Variants in PRSS23 observed in about 807,000 individuals in gnomAD.
PRSS23 encodes the protein protease, serine 23.
A neutral mutation model predicts 34.7 loss-of-function variants in PRSS23; 25 were observed. That is an observed-to-expected ratio of 0.72 (90% CI 0.53 to 1.01). The LOEUF (loss-of-function observed/expected upper bound fraction) is 1.01. Ranked by LOEUF, PRSS23 falls within the 50% of genes least tolerant of loss-of-function variation. The pLI, the probability that PRSS23 is intolerant of heterozygous loss-of-function variation, is 0.00. For missense variants in PRSS23, 445 were observed against 475.6 expected, an observed-to-expected ratio of 0.94 and a Z score of 0.60; for synonymous variants, 176 against 186.6, an observed-to-expected ratio of 0.94 and a Z score of 0.46.
chr11:86,907,191 A>G (rs1412694206), intron 2 of PRSS23, among the ~76,000 whole-genome samples: 2 of 152,126 alleles, frequency 1.3e-5, no homozygotes, highest in South Asian at 2.1e-4. Flanking sequence ...ATATTTTTGT[A>G]TTGTATCTAC....
chr11:86,947,230 CAAA>C, intron 2 of PRSS23: 1 of 157,744 alleles, frequency 6.3e-6, no homozygotes, highest in South Asian at 1.4e-4. Flanking sequence ...AACAAACAAA[CAAA>C]CAACAAAAAA....
At position 86,807,909 on chromosome 11, in the gene PRSS23, C is replaced by A; in HGVS notation, c.266C>A (p.Thr89Lys). 1 of 1,614,150 alleles carries A rather than the reference C, an allele frequency of 6.2e-7. No individual in the cohort carries two copies. Among genetic ancestry groups the A allele is most frequent in the Non-Finnish European group, 8.5e-7 (1 of 1,180,024 alleles). ...EEAKQYLSYETLYANGSRTET... is the reference protein window; with the variant it reads ...EEAKQYLSYEKLYANGSRTET... The stretch of plus-strand genomic sequence containing the variant: ...GCCAAGCAATATCTGTCTTATGAAA[C>A]GCTCTATGCCAATGGCAGCCGCACA... The change falls in exon 2 of 2, where the codon ACG (threonine) becomes AAG (lysine). Residue 89 changes from threonine (T) to lysine (K), a missense_variant. Coordinates refer to ENST00000280258, the MANE Select transcript of PRSS23 (RefSeq NM_007173.6).
At chr11:86,939,038 C>T (rs1002349770) in intron 2 of PRSS23, 1 of 450,370 alleles carries the variant, frequency 2.2e-6, no homozygotes, top group South Asian at 1.6e-5. Flanking sequence ...ATTTTTCATC[C>T]ATTCTTAAAA....
intron 2 of PRSS23, among the ~76,000 whole-genome samples, chr11:86,919,676 C>T (rs1054264768): frequency 6.6e-6 from 1 of 152,210 alleles, no homozygotes; most frequent in Non-Finnish European, 1.5e-5. Flanking sequence ...GTTACCTCCC[C>T]GGGCCTCCGT....
upstream of PRSS23, among the ~76,000 whole-genome samples, chr11:86,799,700 C>T (rs1590865531): frequency 6.6e-6 from 1 of 151,878 alleles, no homozygotes; most frequent in East Asian, 1.9e-4. Flanking sequence ...CCTACCCTGG[C>T]CCCCAACCAC....
chr11:86,861,074 C>T (rs1202328399), intron 2 of PRSS23, among the ~76,000 whole-genome samples: 3 of 151,636 alleles, frequency 2.0e-5, no homozygotes, highest in Non-Finnish European at 4.4e-5. Flanking sequence ...TAATGTTTAA[C>T]GGGAAAGATA....
chr11:86,811,482 G>A (rs1455161133), downstream of PRSS23, among the ~76,000 whole-genome samples: 1 of 152,174 alleles, frequency 6.6e-6, no homozygotes, highest in Non-Finnish European at 1.5e-5. Flanking sequence ...GTTTGTGGCA[G>A]AACTGGGGAC....
chr11:86,849,930 G>A (rs1948516403), intron 2 of PRSS23, among the ~76,000 whole-genome samples: 1 of 151,092 alleles, frequency 6.6e-6, no homozygotes, highest in African/African-American at 2.5e-5. Context: ...GCTGAAAGAG[G>A]AGGAACCTAC....
intron 2 of PRSS23, among the ~76,000 whole-genome samples, chr11:86,858,670 A>G (rs1390005716): frequency 1.3e-5 from 2 of 151,528 alleles, no homozygotes; most frequent in African/African-American, 2.4e-5. Flanking sequence ...GGTGTTCCTA[A>G]TATCCAGTGG....
chr11:86,875,018 T>C (rs1264087320), intron 2 of PRSS23, among the ~76,000 whole-genome samples: 1 of 152,188 alleles, frequency 6.6e-6, no homozygotes, highest in African/African-American at 2.4e-5. Context: ...CTTAGAGGCT[T>C]AGGACCCCAA....
chr11:86,887,432 G>C (rs906237450), intron 2 of PRSS23, among the ~76,000 whole-genome samples: 4 of 151,094 alleles, frequency 2.6e-5, no homozygotes, highest in African/African-American at 9.7e-5. Flanking sequence ...AAAAACAGAA[G>C]CATGAACGTC....
intron 2 of PRSS23, among the ~76,000 whole-genome samples, chr11:86,856,247 T>C (rs1049417993): frequency 6.6e-5 from 10 of 151,956 alleles, no homozygotes; most frequent in Non-Finnish European, 1.2e-4. Flanking sequence ...GAAATCATAT[T>C]ACAATTAACT....
intron 2 of PRSS23, among the ~76,000 whole-genome samples, chr11:86,839,800 C>G (rs1948434232): frequency 6.6e-6 from 1 of 150,876 alleles, no homozygotes. Flanking sequence ...CAATATTCAG[C>G]ATTCCTAAAG....
intron 2 of PRSS23, among the ~76,000 whole-genome samples, chr11:86,848,483 G>T (rs971335221): frequency 6.6e-6 from 1 of 152,188 alleles, no homozygotes; most frequent in African/African-American, 2.4e-5. Context: ...GGTTGAGGAA[G>T]ACTAGGAGAA....
At chr11:86,920,087 T>C (rs980376806) in intron 2 of PRSS23, among the ~76,000 whole-genome samples, 1 of 152,178 alleles carries the variant, frequency 6.6e-6, no homozygotes, top group Non-Finnish European at 1.5e-5. Context: ...CCCCAGGTGT[T>C]TTTTAGGGCT....
At chr11:86,821,538 A>T in intron 1 of PRSS23, 1 of 1,611,110 alleles carries the variant, frequency 6.2e-7, no homozygotes, top group Non-Finnish European at 8.5e-7. Context: ...ATTTGAGTGC[A>T]AGTATCTGGA....
intron 2 of PRSS23, among the ~76,000 whole-genome samples, chr11:86,887,778 G>T (rs1001167059): frequency 6.6e-6 from 1 of 152,074 alleles, no homozygotes; most frequent in Non-Finnish European, 1.5e-5. Flanking sequence ...TTGGCTGGGC[G>T]CAGTGGCTCA....
At chr11:86,883,910 T>C (rs946133963) in intron 2 of PRSS23, among the ~76,000 whole-genome samples, 2 of 152,064 alleles carry the variant, frequency 1.3e-5, no homozygotes, top group African/African-American at 4.8e-5. Context: ...CCTAAGCACC[T>C]CAAATTTAGC....
chr11:86,906,869 G>A (rs540116331), intron 2 of PRSS23, among the ~76,000 whole-genome samples: 2 of 152,086 alleles, frequency 1.3e-5, no homozygotes, highest in South Asian at 4.1e-4. Context: ...TTAAGGCACC[G>A]AGAAATTAAA....
Sources: gnomAD v4.1 joint callset for allele counts (sites outside exome capture counted in the v4.1 genomes callset) on GRCh38, gnomAD v4.1.1 for gene constraint, MANE v1.5 for transcripts, NCBI Gene and HGNC (gene_info 2026-07-23, HGNC 2026-07-21) for gene names.